TRAPPC12: variants seen among roughly 807,000 people sequenced by gnomAD.
TRAPPC12 encodes the protein trafficking protein particle complex subunit 12.
A neutral mutation model predicts 69.2 loss-of-function variants in TRAPPC12; 61 were observed. The observed-to-expected ratio is 0.88, with a 90% confidence interval of 0.72 to 1.09. The LOEUF is 1.09. Among genes scored for constraint, TRAPPC12 ranks in the 50% least tolerant of loss-of-function variants. TRAPPC12 has a pLI of 0.00. For synonymous variants in TRAPPC12, 469 were observed against 438.9 expected, an observed-to-expected ratio of 1.07 and a Z score of -0.86; for missense variants, 1,101 against 1,016.4, an observed-to-expected ratio of 1.08 and a Z score of -1.13.
intron 5 of TRAPPC12, among the ~76,000 whole-genome samples, chr2:3,439,778 A>C (rs1664095331): frequency 6.6e-6 from 1 of 152,124 alleles, no homozygotes; most frequent in South Asian, 2.1e-4. Context: ...CAGGTCACTC[A>C]GATTTTCATC....
At chr2:3,403,780 C>T (rs1032378222) in intron 3 of TRAPPC12, among the ~76,000 whole-genome samples, 2 of 152,170 alleles carry the variant, frequency 1.3e-5, no homozygotes, top group Non-Finnish European at 2.9e-5. Flanking sequence ...AAGAAGACTA[C>T]AGTGAAGTTC....
At chr2:3,468,452 A>G (rs1218812705) in intron 9 of TRAPPC12, among the ~76,000 whole-genome samples, 1 of 152,096 alleles carries the variant, frequency 6.6e-6, no homozygotes, top group Non-Finnish European at 1.5e-5. Context: ...TGCCGTGAGC[A>G]GTCATCATCG....
rs113246774 is a variant in TRAPPC12 at position 3,420,903 on chromosome 2, C to T, written c.1165-978C>T. ...ACTCCTAAACTTCTTGTCAGAGAAG[C>T]GCTTGGCATGCACACAAAATCATTT... is the stretch of plus-strand genomic sequence containing the variant. On this transcript the variant is annotated intron_variant, in intron 3 of 11. Transcript: ENST00000324266. 7.1e-4 allele frequency among the ~76,000 whole-genome samples: 108 copies of T among 152,304 alleles called. 2 individuals are homozygous for T. Among genetic ancestry groups the T allele is most frequent in the African/African-American group, 2.4e-3 (101 of 41,562 alleles).
At chr2:3,441,181 T>C (rs1005065768) in intron 5 of TRAPPC12, among the ~76,000 whole-genome samples, 4 of 152,182 alleles carry the variant, frequency 2.6e-5, no homozygotes, top group Non-Finnish European at 5.9e-5. Context: ...CTGGTTTTGG[T>C]ATTAGGGTAA....
chr2:3,382,524 T>C (rs1481656909), intron 1 of TRAPPC12, among the ~76,000 whole-genome samples: 3 of 152,196 alleles, frequency 2.0e-5, no homozygotes, highest in African/African-American at 7.2e-5. Flanking sequence ...TGTACAGGAA[T>C]TCCTCCATGA....
chr2:3,434,354 G>C (rs566056945), intron 5 of TRAPPC12, among the ~76,000 whole-genome samples: 2 of 152,184 alleles, frequency 1.3e-5, no homozygotes, highest in Non-Finnish European at 2.9e-5. Flanking sequence ...CTAGGAAGGG[G>C]TGTTTTTCTT....
intron 3 of TRAPPC12, among the ~76,000 whole-genome samples, chr2:3,416,023 T>C (rs1213373628): frequency 6.6e-6 from 1 of 152,156 alleles, no homozygotes; most frequent in Non-Finnish European, 1.5e-5. Flanking sequence ...GCCCACTTAC[T>C]TTCATCTCAA....
At chr2:3,478,743 C>A in intron 10 of TRAPPC12, 103 bp from the exon 11 acceptor site, 1 of 971,908 alleles carries the variant, frequency 1.0e-6, no homozygotes, top group Non-Finnish European at 1.6e-6. Context: ...CACACAGGGC[C>A]ATACGCTGGG....
chr2:3,382,136 T>C (rs1364065923), intron 1 of TRAPPC12, among the ~76,000 whole-genome samples: 1 of 143,782 alleles, frequency 7.0e-6, no homozygotes, highest in African/African-American at 2.6e-5. Context: ...TCCACTTTTT[T>C]TTTTTTTTTT....
intron 6 of TRAPPC12, among the ~76,000 whole-genome samples, chr2:3,447,665 G>A (rs1361240301): frequency 2.0e-5 from 3 of 152,100 alleles, no homozygotes; most frequent in Admixed American, 6.5e-5. Context: ...GATTTGGAGG[G>A]GATGAATGTC....
At chr2:3,402,327 C>G (rs1327716885) in intron 3 of TRAPPC12, among the ~76,000 whole-genome samples, 1 of 152,214 alleles carries the variant, frequency 6.6e-6, no homozygotes, top group Non-Finnish European at 1.5e-5. Context: ...CGCAGTGGCT[C>G]ACACCTGTAA....
intron 9 of TRAPPC12, among the ~76,000 whole-genome samples, chr2:3,470,439 A>T (rs1472818625): frequency 6.6e-6 from 1 of 152,032 alleles, no homozygotes; most frequent in Non-Finnish European, 1.5e-5. Context: ...TTCCTGCTGG[A>T]CTCTCTGCAC....
At chr2:3,401,264 C>T (rs934926586) in intron 2 of TRAPPC12, among the ~76,000 whole-genome samples, 1 of 152,176 alleles carries the variant, frequency 6.6e-6, no homozygotes, top group African/African-American at 2.4e-5. Flanking sequence ...TAGCCCTAGC[C>T]CTCCAGGCTT....
intron 1 of TRAPPC12, among the ~76,000 whole-genome samples, chr2:3,386,564 C>T (rs779442529): frequency 1.3e-5 from 2 of 152,244 alleles, no homozygotes; most frequent in South Asian, 2.1e-4. Context: ...ATAGTATGTG[C>T]GGATAAATGT....
chr2:3,444,148 A>G (rs1241836635), intron 6 of TRAPPC12, among the ~76,000 whole-genome samples: 2 of 152,206 alleles, frequency 1.3e-5, no homozygotes, highest in Non-Finnish European at 1.5e-5. Context: ...GGAAGCTGAA[A>G]GGCAGAGACA....
At chr2:3,397,845 C>T (rs940723864) in intron 2 of TRAPPC12, among the ~76,000 whole-genome samples, 4 of 152,174 alleles carry the variant, frequency 2.6e-5, no homozygotes, top group African/African-American at 9.7e-5. Context: ...CAGTCTCAAG[C>T]TCATCAGCCC....
rs1207987210 is a variant in TRAPPC12, at chr2:3,388,601, G to A, written c.978G>A (p.Gln326=). Residue 326 remains glutamine (Q), a synonymous_variant, in exon 2 of 12, where the codon CAG becomes CAA. Transcript: ENST00000324266. ...GAGTCCTGCGGGCCGTGGCCACCCA[G>A]CAGCGCGGCGCCGTGTTCGTGGACA... ...TRGVLRAVAT[Q]QRGAVFVDKE... 1.9e-6 allele frequency: 3 copies of A among 1,606,308 alleles called. No homozygotes were observed. The highest frequency in any genetic ancestry group is 2.2e-5 in the East Asian group (1 of 44,544).
intron 9 of TRAPPC12, among the ~76,000 whole-genome samples, chr2:3,473,372 G>A (rs1369337829): frequency 6.6e-6 from 1 of 152,216 alleles, no homozygotes; most frequent in Non-Finnish European, 1.5e-5. Context: ...TGCCCAGTTG[G>A]AATGGAACAG....
rs1238641533 is a variant in TRAPPC12, at chr2:3,387,767, C to A, written c.144C>A (p.Asn48Lys). ...LGGDEFGSEE[N>K]ETASEGSSPL... ...GAGATGAGTTTGGATCCGAAGAGAA[C>A]GAGACCGCATCGGAAGGCTCGAGTC... is the stretch of plus-strand genomic sequence containing the variant. The change falls in exon 2 of 12, where the codon AAC (asparagine) becomes AAA (lysine). Residue 48 changes from asparagine (N) to lysine (K), a missense_variant. Asn to Lys is a moderately conservative substitution (Grantham distance 94). Coordinates refer to ENST00000324266, the MANE Select transcript of TRAPPC12 (RefSeq NM_016030.6). The A allele has an allele frequency of 6.2e-7, 1 of 1,612,662 alleles. No individual in the cohort carries two copies. Among genetic ancestry groups the A allele is most frequent in the Non-Finnish European group, 8.5e-7 (1 of 1,179,346 alleles).
Sources: allele counts gnomAD v4.1 joint callset (sites outside exome capture counted in the v4.1 genomes callset), GRCh38; gene constraint gnomAD v4.1.1; transcripts MANE v1.5; gene names NCBI Gene and HGNC (gene_info 2026-07-23, HGNC 2026-07-21).